GRK5: variants seen among roughly 807,000 people sequenced by gnomAD.
GRK5 encodes the protein g protein-coupled receptor kinase GRK5.
In GRK5, 40 loss-of-function variants were observed where a neutral mutation model predicts 78.4. The observed-to-expected ratio is 0.51, with a 90% CI of 0.40 to 0.66. The LOEUF (loss-of-function observed/expected upper bound fraction) is 0.66, where lower values mean the gene tolerates loss of function less well. GRK5 is among the 30% of genes least tolerant of loss of function. The pLI is 0.00. For synonymous variants in GRK5, 289 were observed against 296.8 expected (o/e 0.97, Z 0.27); for missense variants, 598 against 759.9 (o/e 0.79, Z 2.50).
chr10:119,258,088 C>A (rs1849318106), intron 1 of GRK5, among the ~76,000 whole-genome samples: 1 of 152,030 alleles, frequency 6.6e-6, no homozygotes, highest in African/African-American at 2.4e-5. Flanking sequence ...CTTTCATCAC[C>A]CCCTGAAACT....
At chr10:119,408,104 G>A (rs1186975256) in intron 4 of GRK5, among the ~76,000 whole-genome samples, 3 of 149,206 alleles carry the variant, frequency 2.0e-5, no homozygotes, top group African/African-American at 7.4e-5. Context: ...CAGAGGTTGT[G>A]GTGAGCCCAG....
At chr10:119,342,581 G>T (rs932400851) in intron 2 of GRK5, among the ~76,000 whole-genome samples, 7 of 152,132 alleles carry the variant, frequency 4.6e-5, no homozygotes, top group Non-Finnish European at 8.8e-5. Context: ...CATCATCGTG[G>T]TTGTCATCAA....
intron 2 of GRK5, among the ~76,000 whole-genome samples, chr10:119,327,861 A>G (rs1471434137): frequency 1.3e-5 from 2 of 152,192 alleles, no homozygotes; most frequent in Non-Finnish European, 2.9e-5. Flanking sequence ...TTCCATCCCT[A>G]AAATCCCAGG....
intron 1 of GRK5, among the ~76,000 whole-genome samples, chr10:119,263,226 C>A (rs900309668): frequency 6.6e-6 from 1 of 152,132 alleles, no homozygotes; most frequent in Non-Finnish European, 1.5e-5. Context: ...AGGCTGGTCT[C>A]GAACTCCTGA....
chr10:119,449,397 C>T (rs902964170), intron 13 of GRK5, among the ~76,000 whole-genome samples: 11 of 152,152 alleles, frequency 7.2e-5, no homozygotes, highest in East Asian at 1.9e-4. Context: ...CTGCTAGGTG[C>T]GGATCAGTGT....
intron 2 of GRK5, among the ~76,000 whole-genome samples, chr10:119,337,349 G>A (rs1850908394): frequency 6.6e-6 from 1 of 152,156 alleles, no homozygotes; most frequent in African/African-American, 2.4e-5. Context: ...GGTTGCCATA[G>A]TGAAATACCA....
At chr10:119,388,482 G>A (rs573326941) in intron 3 of GRK5, among the ~76,000 whole-genome samples, 8 of 152,214 alleles carry the variant, frequency 5.3e-5, no homozygotes, top group African/African-American at 1.7e-4. Context: ...GATTACAGGT[G>A]TGCGCCACTA....
At chr10:119,351,188 TAGAA>T (rs2133798375) in intron 2 of GRK5, among the ~76,000 whole-genome samples, 1 of 152,322 alleles carries the variant, frequency 6.6e-6, no homozygotes, top group East Asian at 1.9e-4. Context: ...TGTTATTACT[TAGAA>T]AGACTAAGTT....
intron 1 of GRK5, among the ~76,000 whole-genome samples, chr10:119,299,990 G>A (rs1850148351): frequency 6.6e-6 from 1 of 152,086 alleles, no homozygotes; most frequent in African/African-American, 2.4e-5. Context: ...GCCCCGGTGT[G>A]TGATGTTCCC....
At chr10:119,424,937 C>T (rs1363925692) in intron 5 of GRK5, 56 bp from the exon 6 acceptor site, 2 of 1,245,076 alleles carry the variant, frequency 1.6e-6, no homozygotes, top group Non-Finnish European at 2.4e-6. Context: ...AGCTTTGCCC[C>T]CCTGCTTGAA....
At position 119,455,218 on chromosome 10, in the gene GRK5, C is replaced by T. The variant is rs1277798373; in HGVS notation, c.*151C>T. ...CGTCCATCCCGTCGACGTAGAACCT[C>T]GAGGTTTCTCAAAGAAATTTCCACT... On this transcript the variant is annotated 3_prime_UTR_variant, in exon 16 of 16. Transcript: ENST00000392870. The T allele has an allele frequency of 4.1e-6, 3 of 726,752 alleles. No homozygotes were observed. Among genetic ancestry groups the T allele is most frequent in the African/African-American group, 1.7e-5 (1 of 57,658 alleles). The allele number at this position is 726,752 out of a possible 1,614,324, so 45.0% of individuals were successfully genotyped here.
At chr10:119,439,875 C>A in intron 10 of GRK5, 107 bp downstream of exon 10, 1 of 993,618 alleles carries the variant, frequency 1.0e-6, no homozygotes, top group Non-Finnish European at 1.6e-6. Flanking sequence ...CCACGGGCCC[C>A]ACTCCCACTG....
chr10:119,323,970 G>A (rs901186314), intron 1 of GRK5, among the ~76,000 whole-genome samples: 3 of 152,164 alleles, frequency 2.0e-5, no homozygotes, highest in Admixed American at 1.3e-4. Flanking sequence ...GAACAAGCAA[G>A]CAGACAAACA....
In GRK5 at chr10:119,425,268, T is replaced by TACACACACACACACACAC. The variant is rs112640010; in HGVS notation, c.533+195_533+212dup. Among the ~76,000 whole-genome samples the TACACACACACACACACAC allele has an allele frequency of 2.4e-3, 300 of 126,718 alleles. 3 individuals carry two copies. The highest frequency in any genetic ancestry group is 7.3e-3 in the African/African-American group (281 of 38,390). 83.1% of individuals were successfully genotyped at this position (126,718 alleles called of 152,430 possible). A position where few individuals can be genotyped will look rare whatever the true frequency, so the allele number is the denominator to read the frequency against. On this transcript the variant is annotated intron_variant, in intron 6 of 15. Transcript: ENST00000392870. ...GTATGCTTATTCAAGCACACACACA[T>TACACACACACACACACAC]ACACACACACACACACACACACACA... is the stretch of plus-strand genomic sequence containing the variant.
At position 119,448,263 on chromosome 10, in the gene GRK5, G is replaced by A; in HGVS notation, c.1404+3G>A. ...TGGACCCTCCCTTCGTTCCAGACGTGAGTAGCCTCCCCCAGCCCCCAGCAG... is the reference window on the plus strand; with the variant it reads ...TGGACCCTCCCTTCGTTCCAGACGTAAGTAGCCTCCCCCAGCCCCCAGCAG... On this transcript the variant is annotated splice_donor_region_variant and intron_variant, in intron 13 of 15. Transcript: ENST00000392870. The A allele has an allele frequency of 1.9e-6, 3 of 1,588,804 alleles. No individual in the cohort carries two copies. Among genetic ancestry groups the A allele is most frequent in the South Asian group, 1.1e-5 (1 of 87,216 alleles).
At chr10:119,294,210 C>T (rs967444285) in intron 1 of GRK5, among the ~76,000 whole-genome samples, 1 of 152,178 alleles carries the variant, frequency 6.6e-6, no homozygotes, top group Admixed American at 6.5e-5. Flanking sequence ...CTCTGCCACT[C>T]GAGCATATTT....
intron 4 of GRK5, among the ~76,000 whole-genome samples, chr10:119,405,814 A>G (rs1852230065): frequency 6.6e-6 from 1 of 152,222 alleles, no homozygotes; most frequent in Admixed American, 6.5e-5. Context: ...GGTTTTGGCC[A>G]TGTTTGCAGA....
intron 1 of GRK5, among the ~76,000 whole-genome samples, chr10:119,273,050 C>T (rs1303389196): frequency 6.6e-6 from 1 of 152,178 alleles, no homozygotes; most frequent in Admixed American, 6.5e-5. Context: ...AGATAATAGT[C>T]CCCTTTGATA....
intron 1 of GRK5, among the ~76,000 whole-genome samples, chr10:119,249,363 T>C (rs1055703202): frequency 2.6e-5 from 4 of 152,266 alleles, no homozygotes; most frequent in Non-Finnish European, 4.4e-5. Flanking sequence ...ATAAATATCA[T>C]ATGTAGAATA....
Sources: allele counts gnomAD v4.1 joint callset (sites outside exome capture counted in the v4.1 genomes callset), GRCh38; gene constraint gnomAD v4.1.1; transcripts MANE v1.5; gene names NCBI Gene and HGNC (gene_info 2026-07-23, HGNC 2026-07-21).